Variants in LAPTM4B observed in about 807,000 individuals in gnomAD.
The protein encoded by LAPTM4B is lysosomal protein transmembrane 4 beta.
In LAPTM4B, 26 loss-of-function variants were observed where a neutral mutation model predicts 28.5. That is an observed-to-expected ratio of 0.91 (90% CI 0.67 to 1.27). LAPTM4B has a LOEUF of 1.27. Ranked by LOEUF, LAPTM4B falls within the 50% of genes most tolerant of loss-of-function variation. The pLI is 0.00. For synonymous variants in LAPTM4B, 109 were observed against 106.4 expected (o/e 1.02, Z -0.15); for missense variants, 288 against 285.8 (o/e 1.01, Z -0.06).
intron 1 of LAPTM4B, among the ~76,000 whole-genome samples, chr8:97,793,029 A>G (rs1483482308): frequency 2.1e-5 from 2 of 97,446 alleles, no homozygotes; most frequent in African/African-American, 7.3e-5. Flanking sequence ...AATAATAACT[A>G]GAAACTCTAG....
Position 97,821,011 on chromosome 8 carries a change from G to A in LAPTM4B, c.507+1773G>A, listed in dbSNP as rs970884791. ...CAAAGTGCTGGAATTACAGGCATAA[G>A]TCACCACACCTGGCTGGGGACACCG... On this transcript the variant is annotated intron_variant, in intron 5 of 6. Transcript: ENST00000521545. 3.4e-5 allele frequency among the ~76,000 whole-genome samples: 5 copies of A among 149,102 alleles called. No individual in the cohort carries two copies. The East Asian group carries it at 1.1e-3, about 33-fold the overall frequency.
At chr8:97,813,245 C>T (rs1316568425) in intron 2 of LAPTM4B, among the ~76,000 whole-genome samples, 1 of 152,202 alleles carries the variant, frequency 6.6e-6, no homozygotes, top group African/African-American at 2.4e-5. Flanking sequence ...GGCCAAAGGC[C>T]GGAGAGCCCC....
intron 6 of LAPTM4B, among the ~76,000 whole-genome samples, chr8:97,833,869 T>A (rs529135239): frequency 6.6e-6 from 1 of 152,182 alleles, no homozygotes; most frequent in South Asian, 2.1e-4. Context: ...AGAATATTTG[T>A]ATAAAGAGAA....
intron 1 of LAPTM4B, among the ~76,000 whole-genome samples, chr8:97,790,852 G>A (rs1489628455): frequency 6.6e-6 from 1 of 152,146 alleles, no homozygotes; most frequent in Non-Finnish European, 1.5e-5. Flanking sequence ...CAGTTCTCGT[G>A]TCTCAACTTC....
chr8:97,826,216 A>G (rs1817088543), intron 6 of LAPTM4B, among the ~76,000 whole-genome samples: 1 of 152,168 alleles, frequency 6.6e-6, no homozygotes, highest in South Asian at 2.1e-4. Flanking sequence ...CAGTTTTCCT[A>G]AATGCTCACC....
At chr8:97,847,726 A>G (rs971022508) in intron 6 of LAPTM4B, among the ~76,000 whole-genome samples, 4 of 152,238 alleles carry the variant, frequency 2.6e-5, no homozygotes, top group African/African-American at 9.6e-5. Context: ...TCACTTAGAT[A>G]CAAAGATGAT....
intron 1 of LAPTM4B, among the ~76,000 whole-genome samples, chr8:97,781,278 C>CACAGTTAAATGTAG (rs1816307006): frequency 3.9e-5 from 2 of 50,834 alleles, no homozygotes; most frequent in African/African-American, 1.1e-4. Flanking sequence ...TGTGCCCGGC[C>CACAGTTAAATGTAG]TTTTTTTTTT....
chr8:97,828,270 G>A (rs573461776), intron 6 of LAPTM4B, among the ~76,000 whole-genome samples: 40 of 152,310 alleles, frequency 2.6e-4, no homozygotes, highest in Admixed American at 1.7e-3. Flanking sequence ...TAGGGGTGGC[G>A]TGGGTACCTA....
At chr8:97,819,391 G>T (rs1257346464) in intron 5 of LAPTM4B, among the ~76,000 whole-genome samples, 153 bp downstream of exon 5, 2 of 152,148 alleles carry the variant, frequency 1.3e-5, no homozygotes, top group African/African-American at 2.4e-5. Context: ...TGCTGTCTAT[G>T]TTGGAGGTAA....
intron 4 of LAPTM4B, among the ~76,000 whole-genome samples, chr8:97,818,786 C>T (rs565147866): frequency 6.6e-6 from 1 of 151,552 alleles, no homozygotes; most frequent in African/African-American, 2.4e-5. Context: ...CTGCAACCTC[C>T]ACCACCAGGG....
At chr8:97,786,555 T>C (rs1816405807) in intron 1 of LAPTM4B, among the ~76,000 whole-genome samples, 1 of 151,600 alleles carries the variant, frequency 6.6e-6, no homozygotes, top group East Asian at 1.9e-4. Context: ...TACAAAAAAA[T>C]AGGCATGGTG....
chr8:97,834,110 G>C (rs1817224098), intron 6 of LAPTM4B, among the ~76,000 whole-genome samples: 1 of 135,378 alleles, frequency 7.4e-6, no homozygotes, highest in Non-Finnish European at 1.6e-5. Context: ...TTTGAGACCA[G>C]TCTGGTCAAC....
intron 1 of LAPTM4B, among the ~76,000 whole-genome samples, chr8:97,793,597 A>G (rs528137220): frequency 6.6e-6 from 1 of 152,336 alleles, no homozygotes; most frequent in South Asian, 2.1e-4. Flanking sequence ...GTTTTGTAGG[A>G]TTTGACACTT....
At chr8:97,799,469 G>A (rs2468013) in intron 1 of LAPTM4B, among the ~76,000 whole-genome samples, 56,118 of 152,090 alleles carry the variant, frequency 0.37, 12,482 homozygotes, top group Middle Eastern at 0.5. Flanking sequence ...CAGGAAGACA[G>A]AACAATACAA....
At chr8:97,782,684 C>A (rs145205285) in intron 1 of LAPTM4B, among the ~76,000 whole-genome samples, 2 of 151,582 alleles carry the variant, frequency 1.3e-5, no homozygotes, top group African/African-American at 4.8e-5. Context: ...GATCCACCTG[C>A]TTCGGCCTCC....
chr8:97,793,579 G>A lies in LAPTM4B; in HGVS notation c.100-11774G>A, dbSNP rs151305524. Among the ~76,000 whole-genome samples, 5 of 152,272 alleles carry A rather than the reference G, an allele frequency of 3.3e-5. No homozygotes were observed. The East Asian group carries it at 9.6e-4, about 29-fold the overall frequency. Reference sequence around the variant, plus strand: ...AAGAGTGATGTCAACATCATCCATAGGAATGCTGTTTTGTAGGATTTGACA... The same window carrying A: ...AAGAGTGATGTCAACATCATCCATAAGAATGCTGTTTTGTAGGATTTGACA... On this transcript the variant is annotated intron_variant, in intron 1 of 6. Coordinates refer to ENST00000521545, the MANE Select transcript of LAPTM4B (RefSeq NM_018407.6).
chr8:97,792,549 C>G (rs1409704630), intron 1 of LAPTM4B, among the ~76,000 whole-genome samples: 1 of 152,110 alleles, frequency 6.6e-6, no homozygotes, highest in African/African-American at 2.4e-5. Context: ...GCCGCCGTGC[C>G]TAGCCTAACA....
At chr8:97,831,907 C>T (rs1320124534) in intron 6 of LAPTM4B, among the ~76,000 whole-genome samples, 1 of 152,074 alleles carries the variant, frequency 6.6e-6, no homozygotes, top group Non-Finnish European at 1.5e-5. Context: ...TAAGGAGAGC[C>T]TTTATTAGAC....
chr8:97,834,901 T>C (rs1340462394), intron 6 of LAPTM4B, among the ~76,000 whole-genome samples: 1 of 152,236 alleles, frequency 6.6e-6, no homozygotes. Context: ...GGACAGGCTT[T>C]TTGTTTTGGT....
Sources: allele counts gnomAD v4.1 joint callset (sites outside exome capture counted in the v4.1 genomes callset), GRCh38; gene constraint gnomAD v4.1.1; transcripts MANE v1.5; gene names NCBI Gene and HGNC (gene_info 2026-07-23, HGNC 2026-07-21).